POMGNT1: variants seen among roughly 807,000 people sequenced by gnomAD.
The protein encoded by POMGNT1 is protein O-linked-mannose beta-1,2-N-acetylglucosaminyltransferase 1.
In POMGNT1, 67 loss-of-function variants were observed where a neutral mutation model predicts 95.6. That is an observed-to-expected ratio of 0.70 (90% confidence interval 0.58 to 0.86). The LOEUF (loss-of-function observed/expected upper bound fraction) is 0.86, where lower values mean the gene tolerates loss of function less well. POMGNT1 is among the 40% of genes least tolerant of loss of function. The probability of loss-of-function intolerance (pLI) is 0.00; values close to 1 mark genes in which losing one functional copy is unlikely to be tolerated. For synonymous variants in POMGNT1, 298 were observed against 317.9 expected (o/e 0.94, Z 0.66); for missense variants, 719 against 855.2 (o/e 0.84, Z 1.99).
At chr1:46,218,703 C>T (rs1234308300) in intron 1 of POMGNT1, among the ~76,000 whole-genome samples, 2 of 152,152 alleles carry the variant, frequency 1.3e-5, no homozygotes, top group East Asian at 1.9e-4. Flanking sequence ...TGAGCTGGAA[C>T]GGACGCTTGA....
intron 1 of POMGNT1, among the ~76,000 whole-genome samples, chr1:46,215,364 A>G (rs1009927035): frequency 3.3e-5 from 5 of 152,208 alleles, no homozygotes; most frequent in Admixed American, 1.3e-4. Context: ...TAATCATCAA[A>G]GAAATAATTT....
intron 17 of POMGNT1, 44 bp downstream of exon 17, chr1:46,192,054 G>C: frequency 6.3e-7 from 1 of 1,586,884 alleles, no homozygotes; most frequent in South Asian, 1.1e-5. Context: ...TCTTGTTCTT[G>C]ACTGTCATGC....
chr1:46,219,897 A>G, exon 1 of POMGNT1: 1 of 1,614,002 alleles, frequency 6.2e-7, no homozygotes, highest in Non-Finnish European at 8.5e-7. Context: ...CCTGCCAGAC[A>G]CCAGCACCAC....
Position 46,192,241 on chromosome 1 carries a change from C to T in POMGNT1, c.1414-18G>A, listed in dbSNP as rs746924004. 20 of 1,614,064 alleles carry T rather than the reference C, an allele frequency of 1.2e-5. No individual in the cohort carries two copies. In the African/African-American group the frequency reaches 2.1e-4, roughly 17 times the overall value. ...TCCCAGAGCTGGCAGACATGGACCA[C>T]GATGAAGGTTAAGATGTTTCGAGTT... is the stretch of plus-strand genomic sequence containing the variant. On this transcript the variant is annotated intron_variant, in intron 16 of 21. Coordinates refer to ENST00000371984, the MANE Select transcript of POMGNT1 (RefSeq NM_017739.4).
At chr1:46,207,104 G>A (rs1658741604) in intron 1 of POMGNT1, among the ~76,000 whole-genome samples, 1 of 151,032 alleles carries the variant, frequency 6.6e-6, no homozygotes, top group African/African-American at 2.4e-5. Context: ...TTTTGACACA[G>A]GGTTTCACTC....
intron 1 of POMGNT1, among the ~76,000 whole-genome samples, chr1:46,211,547 T>C (rs75966046): frequency 0.028 from 4,272 of 152,226 alleles, 78 homozygotes; most frequent in South Asian, 0.044. Flanking sequence ...CTACCATTTA[T>C]TGATTTACAG....
intron 1 of POMGNT1, among the ~76,000 whole-genome samples, chr1:46,215,238 A>G (rs2148250438): frequency 6.6e-6 from 1 of 152,096 alleles, no homozygotes; most frequent in African/African-American, 2.4e-5. Context: ...AAAAAAAAAA[A>G]AAAAAGAGAT....
At chr1:46,220,255 T>G (rs763865694) in exon 1 of POMGNT1, 51 of 1,557,530 alleles carry the variant, frequency 3.3e-5, no homozygotes, top group Non-Finnish European at 4.4e-5. Flanking sequence ...CTGTGGCTCT[T>G]TTATCCATTA....
Position 46,194,893 on chromosome 1 carries a change from G to T in POMGNT1, c.603C>A (p.Gly201=). The T allele has an allele frequency of 6.2e-7, 1 of 1,614,126 alleles. No individual in the cohort carries two copies. Among genetic ancestry groups the T allele is most frequent in the Non-Finnish European group, 8.5e-7 (1 of 1,180,038 alleles). Residue 201 remains glycine, a synonymous_variant, in exon 7 of 22, where the codon GGC becomes GGA. Coordinates refer to ENST00000371984, the MANE Select transcript of POMGNT1 (RefSeq NM_017739.4). ...ALLRSLGSQA[G]PALGWRDTWA... is the part of the protein sequence containing the mutation. ...ATGTGTCCCTCCAGCCCAGGGCAGG[G>T]CCAGCCTGGCTGCCCAGGCTCCTCA...
At chr1:46,190,314 G>A in intron 19 of POMGNT1, 159 bp downstream of exon 19, 3 of 965,158 alleles carry the variant, frequency 3.1e-6, no homozygotes, top group Admixed American at 3.5e-5. Context: ...AAAGTGCTGG[G>A]ATTACAGGCG....
At position 46,194,975 on chromosome 1, in the gene POMGNT1, G is replaced by C. The variant is rs778926136; in HGVS notation, c.535-14C>G. 3.8e-5 allele frequency: 61 copies of C among 1,613,140 alleles called. No individual in the cohort carries two copies. The highest frequency in any genetic ancestry group is 5.2e-5 in the Non-Finnish European group (61 of 1,179,362). On this transcript the variant is annotated splice_polypyrimidine_tract_variant and intron_variant, in intron 6 of 21. Transcript: ENST00000371984. ...GGAGCCCTCATCCTGGGGGACCAGAGAAGGCAGTTAGCCTGACTGGCATGG... is the reference window on the plus strand; with the variant it reads ...GGAGCCCTCATCCTGGGGGACCAGACAAGGCAGTTAGCCTGACTGGCATGG...
chr1:46,192,607 C>G lies in POMGNT1; in HGVS notation c.1212-17G>C, dbSNP rs1485921120. ...CTCAGGAAACTGAGAGAGGCAGGGT[C>G]AAAGAGTTCAGGGAGGGACAAGGAT... On this transcript the variant is annotated splice_polypyrimidine_tract_variant and intron_variant, in intron 14 of 21. Transcript: ENST00000371984. The G allele has an allele frequency of 6.2e-7, 1 of 1,613,406 alleles. No homozygotes were observed. The highest frequency in any genetic ancestry group is 8.5e-7 in the Non-Finnish European group (1 of 1,179,822).
intron 6 of POMGNT1, 53 bp from the exon 7 acceptor site, chr1:46,195,014 G>T: frequency 6.5e-7 from 1 of 1,546,320 alleles, no homozygotes; most frequent in Non-Finnish European, 8.9e-7. Context: ...CAGGAGACCT[G>T]GCCTCACAGA....
At chr1:46,204,709 C>T (rs1658659272) in intron 1 of POMGNT1, among the ~76,000 whole-genome samples, 1 of 152,190 alleles carries the variant, frequency 6.6e-6, no homozygotes, top group African/African-American at 2.4e-5. Context: ...GCCAAGTGTG[C>T]ACTTGGCCTT....
At chr1:46,216,335 C>T (rs1659068088) in intron 1 of POMGNT1, among the ~76,000 whole-genome samples, 1 of 151,754 alleles carries the variant, frequency 6.6e-6, no homozygotes, top group Non-Finnish European at 1.5e-5. Flanking sequence ...CATGAGCCAC[C>T]ACGCTCGGCC....
At chr1:46,197,464 C>T (rs1413980935) in intron 2 of POMGNT1, 2 of 1,487,092 alleles carry the variant, frequency 1.3e-6, no homozygotes, top group Admixed American at 4.4e-5. Context: ...TCTGCAAAGC[C>T]AGCCTGATCA....
chr1:46,197,001 G>A lies in POMGNT1; in HGVS notation c.204C>T (p.Ala68=). 6.2e-7 allele frequency: 1 copy of A among 1,614,168 alleles called. No individual in the cohort carries two copies. The highest frequency in any genetic ancestry group is 8.5e-7 in the Non-Finnish European group (1 of 1,180,022). The change falls in exon 3 of 22, where the codon GCC becomes GCT. Residue 68 remains alanine, a synonymous_variant. Coordinates refer to ENST00000371984, the MANE Select transcript of POMGNT1 (RefSeq NM_017739.4). ...ILDTRRAISE[A]NEDPEPEQDY... Reference sequence around the variant, plus strand: ...CTTGCTCTGGCTCTGGGTCTTCATTGGCTTCACTGATGGCTCGCCGAGTGT... The same window carrying A: ...CTTGCTCTGGCTCTGGGTCTTCATTAGCTTCACTGATGGCTCGCCGAGTGT...
intron 1 of POMGNT1, among the ~76,000 whole-genome samples, chr1:46,210,714 C>T (rs566488115): frequency 2.0e-5 from 3 of 152,150 alleles, no homozygotes; most frequent in African/African-American, 4.8e-5. Flanking sequence ...CTGTGCTCTC[C>T]CTGGGTGCAC....
chr1:46,210,355 C>T (rs991368248), intron 1 of POMGNT1, among the ~76,000 whole-genome samples: 13 of 152,050 alleles, frequency 8.5e-5, no homozygotes, highest in African/African-American at 3.1e-4. Flanking sequence ...AGGATTTCTT[C>T]CCACCAGCAA....
Sources: allele counts gnomAD v4.1 joint callset (sites outside exome capture counted in the v4.1 genomes callset), GRCh38; gene constraint gnomAD v4.1.1; transcripts MANE v1.5; gene names NCBI Gene and HGNC (gene_info 2026-07-23, HGNC 2026-07-21).